NAA30: variants seen among roughly 807,000 people sequenced by gnomAD.
The protein encoded by NAA30 is N-alpha-acetyltransferase 30.
NAA30 carries 5 observed loss-of-function variants against 31.4 expected under a neutral mutation model. That is an observed-to-expected ratio of 0.16 (90% confidence interval 0.08 to 0.33). The LOEUF (loss-of-function observed/expected upper bound fraction) is 0.33. NAA30 is among the 10% of genes least tolerant of loss of function. NAA30 has a pLI of 1.00. For synonymous variants in NAA30, 222 were observed against 207.1 expected (o/e 1.07, Z -0.62); for missense variants, 428 against 490.8 (o/e 0.87, Z 1.21).
At chr14:57,406,480 T>A (rs1487175876) in intron 4 of NAA30, among the ~76,000 whole-genome samples, 5 of 152,242 alleles carry the variant, frequency 3.3e-5, no homozygotes, top group African/African-American at 7.2e-5. Context: ...GACTCTGTTC[T>A]GTCCTTGCTC....
chr14:57,407,771 A>C (rs1177034398), intron 4 of NAA30, among the ~76,000 whole-genome samples: 1 of 152,220 alleles, frequency 6.6e-6, no homozygotes, highest in Non-Finnish European at 1.5e-5. Flanking sequence ...TAACAAGAGC[A>C]TCACCCTAAC....
chr14:57,390,605 G>T lies in NAA30; in HGVS notation c.-102G>T. On this transcript the variant is annotated 5_prime_UTR_variant, in exon 1 of 5. Transcript: ENST00000556492. The stretch of plus-strand genomic sequence containing the variant: ...CGCTTTACGGCGACGGCGGCTGAGT[G>T]AGAACCTTGGCGGCTGTGGAGGCTG... 3.3e-6 allele frequency: 1 copy of T among 304,634 alleles called. No individual in the cohort carries two copies. The highest frequency in any genetic ancestry group is 1.2e-4 in the South Asian group (1 of 8,472). 18.9% of individuals were successfully genotyped at this position (304,634 alleles called of 1,614,324 possible). A position where few individuals can be genotyped will look rare whatever the true frequency, so the allele number is the denominator to read the frequency against.
chr14:57,394,541 A>G (rs1303523447), intron 2 of NAA30, among the ~76,000 whole-genome samples: 1 of 152,038 alleles, frequency 6.6e-6, no homozygotes, highest in Non-Finnish European at 1.5e-5. Context: ...CCACATATTC[A>G]TGAGTAGTTT....
At chr14:57,399,938 AT>A in intron 4 of NAA30, 55 bp downstream of exon 4, 1 of 845,534 alleles carries the variant, frequency 1.2e-6, no homozygotes. Flanking sequence ...CTTTCTGGGT[AT>A]TTTTAATAAA....
At chr14:57,393,808 TC>T (rs2066439711) in intron 2 of NAA30, among the ~76,000 whole-genome samples, 1 of 152,062 alleles carries the variant, frequency 6.6e-6, no homozygotes, top group African/African-American at 2.4e-5. Context: ...ATATTTACCG[TC>T]GGAAGGGTAA....
In NAA30 at chr14:57,399,898, A is replaced by G. The variant is rs758034533; in HGVS notation, c.951+15A>G. The stretch of plus-strand genomic sequence containing the variant: ...ACTGTGATGAGGTAAGTCTTTAAAA[A>G]TGTTTAATATTTTTTATCTGGGCAT... On this transcript the variant is annotated intron_variant, in intron 4 of 4. Transcript: ENST00000556492. The G allele has an allele frequency of 1.2e-5, 16 of 1,287,246 alleles. No homozygotes were observed. Among genetic ancestry groups the G allele is most frequent in the Non-Finnish European group, 1.3e-5 (12 of 899,814 alleles). 79.7% of individuals were successfully genotyped at this position (1,287,246 alleles called of 1,614,324 possible). A position where few individuals can be genotyped will look rare whatever the true frequency, so the allele number is the denominator to read the frequency against.
chr14:57,394,557 G>GA (rs909167778), intron 2 of NAA30, among the ~76,000 whole-genome samples: 19 of 150,926 alleles, frequency 1.3e-4, no homozygotes, highest in Admixed American at 2.6e-4. Flanking sequence ...AGTTTATCAG[G>GA]AAAAAAAAAT....
chr14:57,396,924 TTTG>T, intron 3 of NAA30, 49 bp downstream of exon 3: 3 of 1,569,398 alleles, frequency 1.9e-6, no homozygotes, highest in Middle Eastern at 3.6e-4. Context: ...TATTTTCATT[TTTG>T]TTGTGTTTTG....
chr14:57,402,509 G>C (rs1361888172), intron 4 of NAA30, among the ~76,000 whole-genome samples: 1 of 152,016 alleles, frequency 6.6e-6, no homozygotes, highest in East Asian at 1.9e-4. Flanking sequence ...GACTTGTATT[G>C]TTATTAACTT....
chr14:57,405,763 A>G (rs976719958), intron 4 of NAA30, among the ~76,000 whole-genome samples: 2 of 152,222 alleles, frequency 1.3e-5, no homozygotes, highest in Non-Finnish European at 2.9e-5. Flanking sequence ...GGTGCCAGAC[A>G]GTGTGGTAGT....
At chr14:57,400,873 T>G (rs1451728528) in intron 4 of NAA30, among the ~76,000 whole-genome samples, 1 of 151,800 alleles carries the variant, frequency 6.6e-6, no homozygotes, top group Non-Finnish European at 1.5e-5. Flanking sequence ...TTGTTGTTGT[T>G]TGTTGTTGTG....
Position 57,412,170 on chromosome 14 carries a change from A to G in NAA30, c.*2654A>G, listed in dbSNP as rs764939824. 5 of 152,190 alleles carry G rather than the reference A, an allele frequency of 3.3e-5. No homozygotes were observed. The highest frequency in any genetic ancestry group is 7.4e-5 in the Non-Finnish European group (5 of 68,016). 9.4% of individuals were successfully genotyped at this position (152,190 alleles called of 1,614,324 possible). The stretch of plus-strand genomic sequence containing the variant: ...ACATTGGGATGAAACTACTTTAGCA[A>G]AGTCCACAGATCAGAAACCAGACGG... On this transcript the variant is annotated 3_prime_UTR_variant, in exon 5 of 5. Transcript: ENST00000556492.
At chr14:57,395,315 A>T (rs950414381) in intron 2 of NAA30, among the ~76,000 whole-genome samples, 3 of 152,078 alleles carry the variant, frequency 2.0e-5, no homozygotes, top group Non-Finnish European at 2.9e-5. Flanking sequence ...CTCCACAGTT[A>T]AAAAAAGGCC....
At chr14:57,398,185 A>G (rs1277897430) in intron 3 of NAA30, among the ~76,000 whole-genome samples, 2 of 152,204 alleles carry the variant, frequency 1.3e-5, no homozygotes, top group African/African-American at 2.4e-5. Flanking sequence ...GGTTTACTTA[A>G]TATGTTAGGT....
At chr14:57,406,805 A>C (rs969042904) in intron 4 of NAA30, among the ~76,000 whole-genome samples, 1 of 152,086 alleles carries the variant, frequency 6.6e-6, no homozygotes, top group African/African-American at 2.4e-5. Context: ...AAAACTAAAA[A>C]CTTGTATTGA....
At position 57,412,419 on chromosome 14, in the gene NAA30, A is replaced by T. The variant is rs887733824; in HGVS notation, c.*2903A>T. ...ATGGTGTCTAAAAATCATGAAGTTC[A>T]TCACTTTTCAGGAGTATAGATAAAA... On this transcript the variant is annotated 3_prime_UTR_variant, in exon 5 of 5. Transcript: ENST00000556492. 8 of 152,164 alleles carry T rather than the reference A, an allele frequency of 5.3e-5. No individual in the cohort carries two copies. The highest frequency in any genetic ancestry group is 7.4e-5 in the Non-Finnish European group (5 of 68,018). 9.4% of individuals were successfully genotyped at this position (152,164 alleles called of 1,614,324 possible).
rs1336772379 is a variant in NAA30 at position 57,391,293 on chromosome 14, C to A, written c.336C>A (p.Ala112=). ...KSKVLSVAEV[A]ATTATPDGGP... ...AGGTCCTGAGCGTAGCAGAGGTGGC[C>A]GCGACCACAGCCACCCCTGACGGAG... The change falls in exon 2 of 5, where the codon GCC becomes GCA. Residue 112 remains alanine, a synonymous_variant. Transcript: ENST00000556492. This position sits in a 1 kb window ranked among gnomAD's most constrained non-coding sequence, Gnocchi z 4.1. The A allele has an allele frequency of 3.1e-6, 5 of 1,610,728 alleles. No individual in the cohort carries two copies. Among genetic ancestry groups the A allele is most frequent in the East Asian group, 2.2e-5 (1 of 44,852 alleles).
Position 57,398,460 on chromosome 14 carries a change from A to T in NAA30, c.896-1368A>T, listed in dbSNP as rs115277283. Among the ~76,000 whole-genome samples the T allele has an allele frequency of 3.0e-3, 455 of 152,006 alleles. 2 individuals carry two copies. The highest frequency in any genetic ancestry group is 0.01 in the African/African-American group (426 of 41,446). ...CTTGAAAATTAAGAGTTTTTAATTT[A>T]ATTTTATTATTTTTTGAGACAGAGC... On this transcript the variant is annotated intron_variant, in intron 3 of 4. Coordinates refer to ENST00000556492, the MANE Select transcript of NAA30 (RefSeq NM_001011713.3).
In NAA30 at chr14:57,396,815, T is replaced by C; in HGVS notation, c.835T>C (p.Phe279Leu). 6.2e-7 allele frequency: 1 copy of C among 1,614,130 alleles called. No homozygotes were observed. The highest frequency in any genetic ancestry group is 8.5e-7 in the Non-Finnish European group (1 of 1,179,958). The stretch of plus-strand genomic sequence containing the variant: ...CAAGTTGGATATGCACAAAAAGATG[T>C]TCCGCAGAGGTTATATAGCCATGTT... ...VCKLDMHKKM[F>L]RRGYIAMLAV... The change falls in exon 3 of 5, where the codon TTC becomes CTC. Residue 279 changes from phenylalanine (F) to leucine (L), a missense_variant. Phe to Leu is a conservative substitution (Grantham distance 22). Coordinates refer to ENST00000556492, the MANE Select transcript of NAA30 (RefSeq NM_001011713.3).
Sources: gnomAD v4.1 joint callset for allele counts (sites outside exome capture counted in the v4.1 genomes callset) on GRCh38, gnomAD v4.1.1 for gene constraint, Gnocchi (gnomAD v3.1) non-coding constraint, MANE v1.5 for transcripts, NCBI Gene and HGNC (gene_info 2026-07-23, HGNC 2026-07-21) for gene names.